COPG2: variants seen among roughly 807,000 people sequenced by gnomAD.
COPG2 encodes coat protein complex I subunit gamma 2, also known as coatomer subunit gamma-2.
COPG2 carries 37 observed loss-of-function variants against 46.3 expected under a neutral mutation model. The ratio of observed to expected loss-of-function variants is 0.80; its 90% CI spans 0.61 to 1.05. The LOEUF (loss-of-function observed/expected upper bound fraction) is 1.05, where lower values mean the gene tolerates loss of function less well. Among genes scored for constraint, COPG2 ranks in the 50% least tolerant of loss-of-function variants. COPG2 has a pLI of 0.00. For missense variants in COPG2, 427 were observed against 387.8 expected (o/e 1.10, Z -0.85); for synonymous variants, 159 against 129.7 (o/e 1.23, Z -1.53).
chr7:130,511,088 G>C, intron 20 of COPG2: 2 of 442,734 alleles, frequency 4.5e-6, no homozygotes, highest in Admixed American at 5.0e-5. Flanking sequence ...ATAGATGCTG[G>C]CAGCTAAGAC....
At chr7:130,581,786 AC>A (rs1794149735) in intron 9 of COPG2, among the ~76,000 whole-genome samples, 2 of 142,118 alleles carry the variant, frequency 1.4e-5, no homozygotes, top group Non-Finnish European at 3.1e-5. Flanking sequence ...AATCCAACTT[AC>A]AAGGGATGTG....
chr7:130,647,023 A>T (rs192152048), intron 5 of COPG2, among the ~76,000 whole-genome samples: 2 of 39,292 alleles, frequency 5.1e-5, no homozygotes, highest in African/African-American at 4.0e-4. Context: ...ATATATATAT[A>T]TGTGTATATA....
chr7:130,653,182 T>C (rs1795782263), intron 4 of COPG2, among the ~76,000 whole-genome samples: 1 of 152,234 alleles, frequency 6.6e-6, no homozygotes. Flanking sequence ...TTCAATTATA[T>C]GGATCTTTCT....
At chr7:130,517,321 A>G (rs1252975860) in intron 20 of COPG2, among the ~76,000 whole-genome samples, 1 of 152,200 alleles carries the variant, frequency 6.6e-6, no homozygotes, top group African/African-American at 2.4e-5. Context: ...GATCAGATGT[A>G]TTTTTAAAAG....
chr7:130,601,979 A>G, intron 9 of COPG2, among the ~76,000 whole-genome samples: 1 of 152,196 alleles, frequency 6.6e-6, no homozygotes, highest in South Asian at 2.1e-4. Flanking sequence ...CTTGTCAACA[A>G]CTATATAAGT....
At chr7:130,593,622 T>A (rs1794473049) in intron 9 of COPG2, among the ~76,000 whole-genome samples, 1 of 152,148 alleles carries the variant, frequency 6.6e-6, no homozygotes, top group Non-Finnish European at 1.5e-5. Flanking sequence ...CCAATCCACA[T>A]AAAGACACCT....
At chr7:130,646,394 G>A (rs782540816) in intron 5 of COPG2, among the ~76,000 whole-genome samples, 6 of 151,998 alleles carry the variant, frequency 3.9e-5, no homozygotes, top group Non-Finnish European at 8.8e-5. Context: ...GTAACACATC[G>A]ATAATTTCAC....
chr7:130,597,989 A>G (rs1174278066), intron 9 of COPG2, among the ~76,000 whole-genome samples: 2 of 152,196 alleles, frequency 1.3e-5, no homozygotes, highest in Non-Finnish European at 2.9e-5. Context: ...ATGGCAAACA[A>G]TGGGACAGAC....
intron 4 of COPG2, among the ~76,000 whole-genome samples, chr7:130,654,264 A>C (rs929087050): frequency 6.6e-6 from 1 of 152,252 alleles, no homozygotes; most frequent in Non-Finnish European, 1.5e-5. Context: ...TTAAATGTGT[A>C]GCCAAGGACA....
intron 5 of COPG2, among the ~76,000 whole-genome samples, chr7:130,638,195 AC>A (rs1489055823): frequency 3.3e-5 from 5 of 152,166 alleles, no homozygotes; most frequent in African/African-American, 1.2e-4. Flanking sequence ...GTAAGGAGGC[AC>A]AGGGGTCAGG....
intron 9 of COPG2, chr7:130,607,747 A>G: frequency 1.9e-6 from 1 of 520,104 alleles, no homozygotes. Flanking sequence ...TTACTCTTCC[A>G]ACCTCAAACT....
chr7:130,660,153 C>T (rs1489812397), intron 4 of COPG2, among the ~76,000 whole-genome samples: 13 of 152,120 alleles, frequency 8.5e-5, no homozygotes, highest in East Asian at 1.9e-4. Flanking sequence ...CCCTCAATTC[C>T]GTATTTTTGC....
At chr7:130,598,728 A>G (rs1444242193) in intron 9 of COPG2, among the ~76,000 whole-genome samples, 1 of 152,170 alleles carries the variant, frequency 6.6e-6, no homozygotes, top group Non-Finnish European at 1.5e-5. Context: ...TTCTTATACT[A>G]ACAGTTCAGT....
chr7:130,527,756 G>A (rs933647343), intron 20 of COPG2, among the ~76,000 whole-genome samples: 4 of 152,152 alleles, frequency 2.6e-5, no homozygotes, highest in African/African-American at 9.7e-5. Context: ...GGCTGATGGA[G>A]GCATCAGGGT....
intron 20 of COPG2, among the ~76,000 whole-genome samples, chr7:130,541,234 C>CGGTCCCAGACTCAAGGT (rs1204895414): frequency 4.6e-5 from 7 of 152,106 alleles, no homozygotes; most frequent in African/African-American, 1.7e-4. Context: ...TCCAATGCCT[C>CGGTCCCAGACTCAAGGT]GGTCCCAGAC....
At chr7:130,608,154 CAAGAGATTACAATATTCATCCTT>C (rs1794772839) in intron 9 of COPG2, 1 of 417,476 alleles carries the variant, frequency 2.4e-6, no homozygotes, top group African/African-American at 2.1e-5. Flanking sequence ...TATTCATCCT[CAAGAGATTACAATATTCATCCTT>C]ATCACAGTGT....
chr7:130,634,706 T>C (rs1000416414), intron 5 of COPG2, among the ~76,000 whole-genome samples: 3 of 152,122 alleles, frequency 2.0e-5, no homozygotes, highest in African/African-American at 7.2e-5. Context: ...TTTATTGCTT[T>C]CTCTTGCTTA....
At chr7:130,653,480 T>C (rs1245908622) in intron 4 of COPG2, among the ~76,000 whole-genome samples, 3 of 152,210 alleles carry the variant, frequency 2.0e-5, no homozygotes, top group Non-Finnish European at 4.4e-5. Flanking sequence ...TCCTGGAAAA[T>C]GTGCAAACTC....
rs556819145 is a variant in COPG2, at chr7:130,628,690, T to C, written c.324-11625A>G. 4.6e-5 allele frequency among the ~76,000 whole-genome samples: 7 copies of C among 152,236 alleles called. No homozygotes were observed. The East Asian group carries it at 1.3e-3, about 29-fold the overall frequency. ...TCATATTCCTTCTATCTGAAGAATA[T>C]CCTTTAACATTTCTTGCAGAGTAAG... On this transcript the variant is annotated intron_variant, in intron 5 of 23. Coordinates refer to ENST00000425248, the MANE Select transcript of COPG2 (RefSeq NM_012133.6).
Sources: gnomAD v4.1 joint callset for allele counts (sites outside exome capture counted in the v4.1 genomes callset) on GRCh38, gnomAD v4.1.1 for gene constraint, MANE v1.5 for transcripts, NCBI Gene and HGNC (gene_info 2026-07-23, HGNC 2026-07-21) for gene names.